AGBL1: variants seen among roughly 807,000 people sequenced by gnomAD.
AGBL1 encodes cytosolic carboxypeptidase 4.
In AGBL1, 130 loss-of-function variants were observed where a neutral mutation model predicts 118.9. The ratio of observed to expected loss-of-function variants is 1.09; its 90% CI spans 0.95 to 1.26. The LOEUF (loss-of-function observed/expected upper bound fraction) is 1.26, where lower values mean the gene tolerates loss of function less well. Among genes scored for constraint, AGBL1 ranks in the 50% most tolerant of loss-of-function variants. AGBL1 has a pLI of 0.00. For missense variants in AGBL1, 1,584 were observed against 1,298.1 expected (o/e 1.22, Z -3.38); for synonymous variants, 555 against 478.9 (o/e 1.16, Z -2.08).
intron 3 of AGBL1, among the ~76,000 whole-genome samples, chr15:86,150,730 A>C (rs1451664706): frequency 2.0e-5 from 3 of 152,216 alleles, no homozygotes; most frequent in African/African-American, 7.2e-5. Flanking sequence ...AAACTATTCC[A>C]ATCAATACAA....
At chr15:86,515,830 T>C (rs545691164) in intron 18 of AGBL1, among the ~76,000 whole-genome samples, 1 of 152,336 alleles carries the variant, frequency 6.6e-6, no homozygotes, top group African/African-American at 2.4e-5. Context: ...AAAGTTTGTT[T>C]TGGCAGTGTT....
chr15:86,513,093 C>G (rs1458859295), intron 18 of AGBL1, among the ~76,000 whole-genome samples: 1 of 151,818 alleles, frequency 6.6e-6, no homozygotes, highest in East Asian at 1.9e-4. Context: ...ATGATCAAAA[C>G]CAGGAAACTA....
intron 1 of AGBL1, among the ~76,000 whole-genome samples, chr15:86,110,619 C>T (rs141841634): frequency 6.6e-6 from 1 of 152,070 alleles, no homozygotes; most frequent in Non-Finnish European, 1.5e-5. Context: ...TGTCCAAGGG[C>T]CAACTCTAGT....
intron 17 of AGBL1, among the ~76,000 whole-genome samples, chr15:86,387,496 TGTA>T (rs903716721): frequency 1.2e-4 from 18 of 152,128 alleles, no homozygotes; most frequent in African/African-American, 4.1e-4. Context: ...AGGAAGAGGT[TGTA>T]GTAACGCAGT....
chr15:86,282,401 A>G (rs1278143938), intron 16 of AGBL1, among the ~76,000 whole-genome samples: 1 of 152,156 alleles, frequency 6.6e-6, no homozygotes, highest in African/African-American at 2.4e-5. Flanking sequence ...TTTTATTGTT[A>G]CTTTTGAGCC....
chr15:86,213,255 A>G, intron 5 of AGBL1, among the ~76,000 whole-genome samples: 1 of 152,352 alleles, frequency 6.6e-6, no homozygotes, highest in Non-Finnish European at 1.5e-5. Flanking sequence ...TCATGGAACT[A>G]CTGGGAGGCA....
intron 17 of AGBL1, among the ~76,000 whole-genome samples, chr15:86,301,290 G>A (rs1304613494): frequency 1.3e-5 from 2 of 152,042 alleles, no homozygotes; most frequent in Non-Finnish European, 2.9e-5. Context: ...TCAATTGCTG[G>A]TGAGAGATTG....
At chr15:86,751,159 C>T (rs565661295) in intron 22 of AGBL1, among the ~76,000 whole-genome samples, 5 of 152,136 alleles carry the variant, frequency 3.3e-5, no homozygotes, top group South Asian at 2.1e-4. Context: ...ATTGCTGGGT[C>T]GAATGGTATT....
intron 21 of AGBL1, among the ~76,000 whole-genome samples, chr15:86,665,126 C>G (rs775733382): frequency 6.6e-6 from 1 of 152,086 alleles, no homozygotes; most frequent in Admixed American, 6.6e-5. Flanking sequence ...GATTATATCC[C>G]TATGACGTTG....
At chr15:86,933,288 A>G (rs933090353) in intron 23 of AGBL1, among the ~76,000 whole-genome samples, 1 of 152,152 alleles carries the variant, frequency 6.6e-6, no homozygotes, top group African/African-American at 2.4e-5. Context: ...TTTAACTTTG[A>G]AGCAAGGATG....
chr15:86,761,748 T>G (rs1311735406), intron 22 of AGBL1, among the ~76,000 whole-genome samples: 1 of 152,128 alleles, frequency 6.6e-6, no homozygotes, highest in South Asian at 2.1e-4. Context: ...GTCAAATGGA[T>G]AGATTGCAAT....
chr15:86,779,038 C>T (rs752790159), intron 22 of AGBL1, among the ~76,000 whole-genome samples: 40 of 152,198 alleles, frequency 2.6e-4, no homozygotes, highest in Admixed American at 5.2e-4. Flanking sequence ...CCTGACTTCC[C>T]GCAACAGCTA....
intron 18 of AGBL1, among the ~76,000 whole-genome samples, chr15:86,406,857 A>G (rs2081536986): frequency 6.6e-6 from 1 of 152,210 alleles, no homozygotes; most frequent in African/African-American, 2.4e-5. Flanking sequence ...TGATGGGGCC[A>G]TAATTAATGT....
chr15:86,842,822 A>T (rs1446062196), intron 22 of AGBL1, among the ~76,000 whole-genome samples: 2 of 152,184 alleles, frequency 1.3e-5, no homozygotes, highest in Non-Finnish European at 2.9e-5. Context: ...CCTGGTGATT[A>T]GACCTGTTGG....
intron 21 of AGBL1, among the ~76,000 whole-genome samples, chr15:86,608,816 A>G (rs749951833): frequency 1.3e-5 from 2 of 152,088 alleles, no homozygotes; most frequent in East Asian, 3.9e-4. Flanking sequence ...AAATCTCCTA[A>G]TTTTCAAATG....
chr15:86,106,846 G>C (rs1897082223), intron 1 of AGBL1, among the ~76,000 whole-genome samples: 1 of 152,206 alleles, frequency 6.6e-6, no homozygotes, highest in African/African-American at 2.4e-5. Flanking sequence ...GATCAGGCTA[G>C]TGGATCTCAG....
intron 17 of AGBL1, among the ~76,000 whole-genome samples, chr15:86,331,805 A>G (rs1359561205): frequency 2.0e-5 from 3 of 152,350 alleles, no homozygotes; most frequent in East Asian, 1.9e-4. Context: ...TGAGTTCTAA[A>G]CATGGAACAA....
intron 22 of AGBL1, among the ~76,000 whole-genome samples, chr15:86,876,663 C>A (rs1320957775): frequency 6.6e-6 from 1 of 152,186 alleles, no homozygotes; most frequent in Non-Finnish European, 1.5e-5. Flanking sequence ...CTCTGTCTTG[C>A]TATCATTCAA....
chr15:86,421,698 A>C (rs1401089888), intron 18 of AGBL1, among the ~76,000 whole-genome samples: 1 of 152,138 alleles, frequency 6.6e-6, no homozygotes, highest in East Asian at 1.9e-4. Flanking sequence ...TGCTGTATTC[A>C]GGAGACCCAT....
Sources: gnomAD v4.1 joint callset for allele counts (sites outside exome capture counted in the v4.1 genomes callset) on GRCh38, gnomAD v4.1.1 for gene constraint, MANE v1.5 for transcripts, NCBI Gene and HGNC (gene_info 2026-07-23, HGNC 2026-07-21) for gene names.